Variants in MGAT4C observed in about 807,000 individuals in gnomAD.
The protein encoded by MGAT4C is MGAT4 family member C.
In MGAT4C, 19 loss-of-function variants were observed where a neutral mutation model predicts 40.1. That is an observed-to-expected ratio of 0.47 (90% CI 0.33 to 0.70). The LOEUF (loss-of-function observed/expected upper bound fraction) is 0.70. Among genes scored for constraint, MGAT4C ranks in the 30% least tolerant of loss-of-function variants. MGAT4C has a pLI of 0.02. For missense variants in MGAT4C, 491 were observed against 563.2 expected, an observed-to-expected ratio of 0.87 and a Z score of 1.30; for synonymous variants, 181 against 187.1, an observed-to-expected ratio of 0.97 and a Z score of 0.27.
At chr12:86,823,540 G>A (rs11104113) in intron 1 of MGAT4C, among the ~76,000 whole-genome samples, 15,974 of 151,038 alleles carry the variant, frequency 0.11, 1,151 homozygotes, top group Non-Finnish European at 0.15. Flanking sequence ...ATAAGAAAAC[G>A]ATGAGGATAG....
chr12:86,273,533 T>G (rs181030290), intron 4 of MGAT4C, among the ~76,000 whole-genome samples: 5 of 152,300 alleles, frequency 3.3e-5, no homozygotes, highest in Admixed American at 3.3e-4. Flanking sequence ...TAAATCTGCA[T>G]GCAACATACA....
rs188288620 is a variant in MGAT4C, at chr12:86,643,919, A to C, written c.-229+83290T>G. Among the ~76,000 whole-genome samples the C allele has an allele frequency of 2.6e-5, 4 of 151,732 alleles. No homozygotes were observed. The South Asian group carries it at 8.3e-4, about 31-fold the overall frequency. Reference sequence around the variant, plus strand: ...CTAAATTGTATACTTTAAAAGGTGAATTTGTTGTTTTGTGAATTAATCTCA... The same window carrying C: ...CTAAATTGTATACTTTAAAAGGTGACTTTGTTGTTTTGTGAATTAATCTCA... On this transcript the variant is annotated intron_variant, in intron 2 of 7. Coordinates refer to the MGAT4C transcript ENST00000548651.
At chr12:86,080,448 A>T (rs1224844075) in intron 1 of MGAT4C, among the ~76,000 whole-genome samples, 3 of 152,202 alleles carry the variant, frequency 2.0e-5, no homozygotes, top group Non-Finnish European at 4.4e-5. Flanking sequence ...TCACACTGGA[A>T]ATTATCAAAT....
At chr12:86,776,430 A>G (rs935951672) in intron 1 of MGAT4C, among the ~76,000 whole-genome samples, 1 of 151,956 alleles carries the variant, frequency 6.6e-6, no homozygotes, top group Non-Finnish European at 1.5e-5. Context: ...TTGTAAGTTG[A>G]TATGAAGAAT....
chr12:86,001,739 G>A (rs748324349), intron 2 of MGAT4C: 261 of 636,116 alleles, frequency 4.1e-4, no homozygotes, highest in Non-Finnish European at 5.0e-4. Context: ...CTGTCTTTGA[G>A]TGGGAATTTA....
chr12:86,185,293 T>A (rs1263594649), intron 1 of MGAT4C, among the ~76,000 whole-genome samples: 2 of 152,178 alleles, frequency 1.3e-5, no homozygotes, highest in African/African-American at 4.8e-5. Flanking sequence ...GGTAAGTAAT[T>A]TAACCTTTTC....
At chr12:86,502,318 G>T (rs1421234732) in intron 2 of MGAT4C, among the ~76,000 whole-genome samples, 1 of 151,946 alleles carries the variant, frequency 6.6e-6, no homozygotes, top group Non-Finnish European at 1.5e-5. Context: ...GACGGAAAAG[G>T]GATCAATGGT....
At chr12:86,750,862 G>T (rs1951222294) in intron 1 of MGAT4C, among the ~76,000 whole-genome samples, 1 of 151,832 alleles carries the variant, frequency 6.6e-6, no homozygotes. Flanking sequence ...GAAACTTCAG[G>T]CCAGACATGT....
At chr12:86,605,206 G>A (rs1962001446) in intron 2 of MGAT4C, among the ~76,000 whole-genome samples, 1 of 151,904 alleles carries the variant, frequency 6.6e-6, no homozygotes, top group South Asian at 2.1e-4. Flanking sequence ...TAGATGCTTT[G>A]GGATATAAAG....
In MGAT4C at chr12:86,230,897, T is replaced by G. The variant is rs146919969; in HGVS notation, c.-57+25342A>C. ...TTTTTTTTTTTACTTTTTTCCTAAT[T>G]TACGTGCCAAACGGGAAAAGTAATT... On this transcript the variant is annotated intron_variant, in intron 1 of 4. Coordinates refer to ENST00000611864, the MANE Select transcript of MGAT4C (RefSeq NM_001351288.2). 2.8e-4 allele frequency among the ~76,000 whole-genome samples: 42 copies of G among 152,080 alleles called. 1 individual carries two copies. The highest frequency in any genetic ancestry group is 1.0e-3 in the African/African-American group (42 of 41,500).
chr12:86,551,633 G>A lies in MGAT4C; in HGVS notation c.-228-116368C>T, dbSNP rs1478479458. On this transcript the variant is annotated intron_variant, in intron 2 of 7. Transcript: ENST00000548651. Reference sequence around the variant, plus strand: ...AGGCCAGCTGAGTAACTAGGTGGCTGTGCCCCCACCCAGAGTAACAGCCTT... The same window carrying A: ...AGGCCAGCTGAGTAACTAGGTGGCTATGCCCCCACCCAGAGTAACAGCCTT... Among the ~76,000 whole-genome samples the A allele has an allele frequency of 3.9e-5, 6 of 152,250 alleles. No homozygotes were observed. In the South Asian group the frequency reaches 8.3e-4, roughly 21 times the overall value.
At chr12:86,757,231 G>C (rs1951321336) in intron 1 of MGAT4C, among the ~76,000 whole-genome samples, 1 of 151,826 alleles carries the variant, frequency 6.6e-6, no homozygotes. Flanking sequence ...TGGGGGGCTA[G>C]GGGAGGGATG....
intron 3 of MGAT4C, among the ~76,000 whole-genome samples, chr12:86,424,364 G>A (rs973162448): frequency 6.6e-6 from 1 of 152,278 alleles, no homozygotes; most frequent in Middle Eastern, 3.4e-3. Flanking sequence ...CATTTGGTGA[G>A]AACCTCTCTT....
At chr12:86,150,606 C>A (rs1369003805) in intron 1 of MGAT4C, among the ~76,000 whole-genome samples, 1 of 152,042 alleles carries the variant, frequency 6.6e-6, no homozygotes, top group Non-Finnish European at 1.5e-5. Flanking sequence ...GAAACAAAAC[C>A]TGGAAATAGT....
chr12:86,510,859 C>T (rs558848003), intron 2 of MGAT4C, among the ~76,000 whole-genome samples: 1 of 152,086 alleles, frequency 6.6e-6, no homozygotes, highest in South Asian at 2.1e-4. Flanking sequence ...GGGTGACCTA[C>T]AAAGAGACTT....
At chr12:86,679,007 T>C (rs1949926145) in intron 2 of MGAT4C, among the ~76,000 whole-genome samples, 1 of 152,112 alleles carries the variant, frequency 6.6e-6, no homozygotes, top group African/African-American at 2.4e-5. Flanking sequence ...ATCGCCACAC[T>C]GACTTCCACA....
At chr12:86,075,351 C>T (rs1473746712) in intron 1 of MGAT4C, among the ~76,000 whole-genome samples, 1 of 152,158 alleles carries the variant, frequency 6.6e-6, no homozygotes, top group East Asian at 1.9e-4. Flanking sequence ...GATGGGTTCC[C>T]ATGGTCTTGG....
chr12:86,196,631 C>A (rs988348780), intron 1 of MGAT4C, among the ~76,000 whole-genome samples: 9 of 152,318 alleles, frequency 5.9e-5, no homozygotes, highest in African/African-American at 2.2e-4. Flanking sequence ...TGCAGAGTCC[C>A]AGAAGTCTGA....
intron 2 of MGAT4C, among the ~76,000 whole-genome samples, chr12:86,533,908 G>A (rs1308410844): frequency 2.6e-5 from 4 of 151,428 alleles, no homozygotes; most frequent in African/African-American, 9.7e-5. Context: ...GAGATCTTAA[G>A]ACTGACAAAG....
Sources: gnomAD v4.1 joint callset for allele counts (sites outside exome capture counted in the v4.1 genomes callset) on GRCh38, gnomAD v4.1.1 for gene constraint, MANE v1.5 for transcripts, NCBI Gene and HGNC (gene_info 2026-07-23, HGNC 2026-07-21) for gene names.